Variants in RFTN1 observed in about 807,000 individuals in gnomAD.
RFTN1 encodes the protein raftlin.
A neutral mutation model predicts 46.5 loss-of-function variants in RFTN1; 26 were observed. That is an observed-to-expected ratio of 0.56 (90% CI 0.41 to 0.78). The LOEUF (loss-of-function observed/expected upper bound fraction) is 0.78, where lower values mean the gene tolerates loss of function less well. Among genes scored for constraint, RFTN1 ranks in the 30% least tolerant of loss-of-function variants. The pLI is 0.00. For synonymous variants in RFTN1, 261 were observed against 284.2 expected (o/e 0.92, Z 0.82); for missense variants, 693 against 718.7 (o/e 0.96, Z 0.41).
In RFTN1 at chr3:16,342,053, G is replaced by A. The variant is rs1303404196; in HGVS notation, c.1147-15177C>T. ...TCAACATCTTTATTGATATATAATT[G>A]GATATCTTAAAATTCACCTATTTAA... is the stretch of plus-strand genomic sequence containing the variant. On this transcript the variant is annotated intron_variant, in intron 7 of 9. Transcript: ENST00000334133. The surrounding 1 kb of genome is among the most constrained non-coding windows in gnomAD (Gnocchi z 4.0). Among the ~76,000 whole-genome samples, 1 of 151,810 alleles carries A rather than the reference G, an allele frequency of 6.6e-6. No homozygotes were observed. Among genetic ancestry groups the A allele is most frequent in the African/African-American group, 2.4e-5 (1 of 41,298 alleles).
In RFTN1 at chr3:16,486,192, T is replaced by A. The variant is rs564583120; in HGVS notation, c.145+7533A>T. 2.6e-5 allele frequency among the ~76,000 whole-genome samples: 4 copies of A among 152,248 alleles called. No homozygotes were observed. In the South Asian group the frequency reaches 8.3e-4, roughly 32 times the overall value. On this transcript the variant is annotated intron_variant, in intron 2 of 9. Coordinates refer to ENST00000334133, the MANE Select transcript of RFTN1 (RefSeq NM_015150.2). ...CCTTTTCTTGTCCCCACTGCCACTG[T>A]CTTGACTGAGGCCACCTTTACCTTG...
rs907694747 is a variant in RFTN1 at position 16,426,120 on chromosome 3, C to T, written c.332+7731G>A. 1.3e-5 allele frequency among the ~76,000 whole-genome samples: 2 copies of T among 152,212 alleles called. No homozygotes were observed. The highest frequency in any genetic ancestry group is 1.3e-4 in the Admixed American group (2 of 15,278). ...TAAACCGGCGGCTGCAGTTTCCCAT[C>T]ACAGTAGCACGCATCAATCAGTGCT... On this transcript the variant is annotated intron_variant, in intron 3 of 9. Transcript: ENST00000334133. The surrounding 1 kb of genome is among the most constrained non-coding windows in gnomAD (Gnocchi z 5.9).
At position 16,387,192 on chromosome 3, in the gene RFTN1, T is replaced by C. The variant is rs1421580337; in HGVS notation, c.442-9090A>G. 6.6e-6 allele frequency among the ~76,000 whole-genome samples: 1 copy of C among 152,182 alleles called. No homozygotes were observed. Among genetic ancestry groups the C allele is most frequent in the Non-Finnish European group, 1.5e-5 (1 of 68,032 alleles). On this transcript the variant is annotated intron_variant, in intron 4 of 9. Coordinates refer to ENST00000334133, the MANE Select transcript of RFTN1 (RefSeq NM_015150.2). The surrounding 1 kb of genome is among the most constrained non-coding windows in gnomAD (Gnocchi z 5.2). ...TTCTCTGTCTGACACATCCCACAAA[T>C]GTCGCATCCATCCAGTCCACCCAGG...
In RFTN1 at chr3:16,361,116, A is replaced by G. The variant is rs916822354; in HGVS notation, c.1031-3069T>C. Among the ~76,000 whole-genome samples, 1 of 152,236 alleles carries G rather than the reference A, an allele frequency of 6.6e-6. No individual in the cohort carries two copies. Among genetic ancestry groups the G allele is most frequent in the Non-Finnish European group, 1.5e-5 (1 of 68,040 alleles). On this transcript the variant is annotated intron_variant, in intron 6 of 9. Coordinates refer to ENST00000334133, the MANE Select transcript of RFTN1 (RefSeq NM_015150.2). This position sits in a 1 kb window ranked among gnomAD's most constrained non-coding sequence, Gnocchi z 4.3. ...TTTCTCTCCTCTACAAGGCTCTTGAAGGCCTAACTAGAATCAAAGAGTTTT... is the reference window on the plus strand; with the variant it reads ...TTTCTCTCCTCTACAAGGCTCTTGAGGGCCTAACTAGAATCAAAGAGTTTT...
Position 16,481,147 on chromosome 3 carries a change from G to A in RFTN1, c.145+12578C>T, listed in dbSNP as rs568765541. 6.6e-6 allele frequency among the ~76,000 whole-genome samples: 1 copy of A among 152,280 alleles called. No homozygotes were observed. Among genetic ancestry groups the A allele is most frequent in the Admixed American group, 6.5e-5 (1 of 15,304 alleles). The stretch of plus-strand genomic sequence containing the variant: ...AGAAAGGAATGCAAAGGAATGTAAA[G>A]AATGCCTTCCTTCCTTTTAAATCTA... On this transcript the variant is annotated intron_variant, in intron 2 of 9. Coordinates refer to ENST00000334133, the MANE Select transcript of RFTN1 (RefSeq NM_015150.2). The surrounding 1 kb of genome is among the most constrained non-coding windows in gnomAD (Gnocchi z 5.1).
At chr3:16,444,417 C>T (rs2124887262) in intron 2 of RFTN1, among the ~76,000 whole-genome samples, 1 of 152,084 alleles carries the variant, frequency 6.6e-6, no homozygotes, top group African/African-American at 2.4e-5. Flanking sequence ...GGGTTTTTTC[C>T]AGGCGCTCCG....
chr3:16,467,798 T>G (rs1009235051), intron 2 of RFTN1, among the ~76,000 whole-genome samples: 1 of 152,034 alleles, frequency 6.6e-6, no homozygotes, highest in Non-Finnish European at 1.5e-5. Context: ...AAGACAGAAA[T>G]GGGTGAAAGC....
At chr3:16,399,453 C>T (rs1490219140) in intron 4 of RFTN1, among the ~76,000 whole-genome samples, 2 of 152,188 alleles carry the variant, frequency 1.3e-5, no homozygotes, top group Non-Finnish European at 2.9e-5. Context: ...ATAGCTGTTT[C>T]TGACATTAGT....
intron 4 of RFTN1, among the ~76,000 whole-genome samples, chr3:16,391,858 G>GTTTTTTTTTTTTTTTTTTT (rs1272551461): frequency 2.0e-5 from 1 of 49,120 alleles, no homozygotes; most frequent in Non-Finnish European, 5.4e-5. Flanking sequence ...TAGTGCAAAG[G>GTTTTTTTTTTTTTTTTTTT]TTTTTTTTTT....
chr3:16,460,198 T>C lies in RFTN1; in HGVS notation c.146-26161A>G, dbSNP rs1177223691. 6.6e-6 allele frequency among the ~76,000 whole-genome samples: 1 copy of C among 152,236 alleles called. No homozygotes were observed. The highest frequency in any genetic ancestry group is 1.5e-5 in the Non-Finnish European group (1 of 68,038). ...AAACACAGAAGTGTCTCAATTTCTC[T>C]TTTTCCACCGTGATTTTTATCTATT... On this transcript the variant is annotated intron_variant, in intron 2 of 9. Transcript: ENST00000334133. The surrounding 1 kb of genome is among the most constrained non-coding windows in gnomAD (Gnocchi z 4.8).
At position 16,381,572 on chromosome 3, in the gene RFTN1, C is replaced by CCATGCTAGA. The variant is rs1356006318; in HGVS notation, c.442-3479_442-3471dup. Among the ~76,000 whole-genome samples the CCATGCTAGA allele has an allele frequency of 1.3e-5, 2 of 151,932 alleles. No individual in the cohort carries two copies. The highest frequency in any genetic ancestry group is 2.4e-5 in the African/African-American group (1 of 41,384). On this transcript the variant is annotated intron_variant, in intron 4 of 9. Coordinates refer to ENST00000334133, the MANE Select transcript of RFTN1 (RefSeq NM_015150.2). This position sits in a 1 kb window ranked among gnomAD's most constrained non-coding sequence, Gnocchi z 4.2. ...AATCCAATTTTTTTTTTCCAAAATG[C>CCATGCTAGA]CATGCTAGACAAAACCTATTTGGGA...
chr3:16,489,012 C>A lies in RFTN1; in HGVS notation c.145+4713G>T, dbSNP rs2076497209. On this transcript the variant is annotated intron_variant, in intron 2 of 9. Transcript: ENST00000334133. This position sits in a 1 kb window ranked among gnomAD's most constrained non-coding sequence, Gnocchi z 4.0. ...CTCAGCAGTAAAACAGAAAACACAC[C>A]AAACAACATAAATCAATCTTAAATG... is the stretch of plus-strand genomic sequence containing the variant. 6.6e-6 allele frequency among the ~76,000 whole-genome samples: 1 copy of A among 152,136 alleles called. No homozygotes were observed. The highest frequency in any genetic ancestry group is 1.5e-5 in the Non-Finnish European group (1 of 68,030).
intron 4 of RFTN1, among the ~76,000 whole-genome samples, chr3:16,389,461 C>A (rs916230897): frequency 2.0e-5 from 3 of 149,340 alleles, no homozygotes; most frequent in African/African-American, 7.5e-5. Flanking sequence ...ATATGTGATC[C>A]CTTTGAGTAA....
In RFTN1 at chr3:16,450,483, C is replaced by CATG. The variant is rs2075805620; in HGVS notation, c.146-16449_146-16447dup. Among the ~76,000 whole-genome samples the CATG allele has an allele frequency of 6.6e-6, 1 of 152,196 alleles. No homozygotes were observed. ...TCTCTCCCACTGCACCATGATGCTG[C>CATG]ATGACCTGAAGTCCACCAGCATCCT... On this transcript the variant is annotated intron_variant, in intron 2 of 9. Transcript: ENST00000334133. The surrounding 1 kb of genome is among the most constrained non-coding windows in gnomAD (Gnocchi z 4.6).
In RFTN1 at chr3:16,466,053, A is replaced by G. The variant is rs2076084549; in HGVS notation, c.145+27672T>C. 1.3e-5 allele frequency among the ~76,000 whole-genome samples: 2 copies of G among 152,186 alleles called. No individual in the cohort carries two copies. Among genetic ancestry groups the G allele is most frequent in the African/African-American group, 4.8e-5 (2 of 41,432 alleles). On this transcript the variant is annotated intron_variant, in intron 2 of 9. Coordinates refer to ENST00000334133, the MANE Select transcript of RFTN1 (RefSeq NM_015150.2). This position sits in a 1 kb window ranked among gnomAD's most constrained non-coding sequence, Gnocchi z 5.6. ...GAGCCATTTAAATGCCCATCACTCCACATCACTCTCATGCTCTGAATTCTT... is the reference window on the plus strand; with the variant it reads ...GAGCCATTTAAATGCCCATCACTCCGCATCACTCTCATGCTCTGAATTCTT...
At chr3:16,482,321 T>G (rs1206411639) in intron 2 of RFTN1, among the ~76,000 whole-genome samples, 1 of 152,188 alleles carries the variant, frequency 6.6e-6, no homozygotes, top group African/African-American at 2.4e-5. Flanking sequence ...CAAGCTGCAT[T>G]GCAAACAACA....
rs1490322058 is a variant in RFTN1, at chr3:16,356,295, AGT to A, written c.1146+1635_1146+1636del. ...ACCATGGGCAGCAGGGTCACACAGG[AGT>A]AACTGGTGGGGCTGATCTCACACCA... On this transcript the variant is annotated intron_variant, in intron 7 of 9. Coordinates refer to ENST00000334133, the MANE Select transcript of RFTN1 (RefSeq NM_015150.2). This position sits in a 1 kb window ranked among gnomAD's most constrained non-coding sequence, Gnocchi z 4.9. Among the ~76,000 whole-genome samples the A allele has an allele frequency of 6.6e-6, 1 of 152,066 alleles. No individual in the cohort carries two copies. The highest frequency in any genetic ancestry group is 1.5e-5 in the Non-Finnish European group (1 of 68,012).
rs561162865 is a variant in RFTN1 at position 16,473,789 on chromosome 3, C to T, written c.145+19936G>A. On this transcript the variant is annotated intron_variant, in intron 2 of 9. Coordinates refer to ENST00000334133, the MANE Select transcript of RFTN1 (RefSeq NM_015150.2). The surrounding 1 kb of genome is among the most constrained non-coding windows in gnomAD (Gnocchi z 5.3). ...ACCCTGCTGGCTACTCCCTCAGAGA[C>T]GGAGAGTCCCTCAAAGTCCTCCCAC... 3.3e-5 allele frequency among the ~76,000 whole-genome samples: 5 copies of T among 149,830 alleles called. No individual in the cohort carries two copies. Among genetic ancestry groups the T allele is most frequent in the Admixed American group, 6.7e-5 (1 of 15,030 alleles).
intron 3 of RFTN1, among the ~76,000 whole-genome samples, chr3:16,430,715 G>C (rs1216012617): frequency 6.6e-6 from 1 of 152,132 alleles, no homozygotes; most frequent in African/African-American, 2.4e-5. Context: ...TCCTTCTCTG[G>C]ATCTGCTTGT....
Sources: gnomAD v4.1 joint callset for allele counts (sites outside exome capture counted in the v4.1 genomes callset) on GRCh38, gnomAD v4.1.1 for gene constraint, Gnocchi (gnomAD v3.1) non-coding constraint, MANE v1.5 for transcripts, NCBI Gene and HGNC (gene_info 2026-07-23, HGNC 2026-07-21) for gene names.